LBH: variants seen among roughly 807,000 people sequenced by gnomAD.
LBH encodes LBH regulator of Wnt signaling pathway.
LBH carries 7 observed loss-of-function variants against 12.5 expected under a neutral mutation model. The observed-to-expected ratio is 0.56, with a 90% CI of 0.32 to 1.05. LBH has a LOEUF of 1.05. LBH is among the 50% of genes least tolerant of loss of function. The pLI is 0.04. For synonymous variants in LBH, 51 were observed against 50.1 expected, an observed-to-expected ratio of 1.02 and a Z score of -0.08; for missense variants, 119 against 138.9, an observed-to-expected ratio of 0.86 and a Z score of 0.72.
In LBH at chr2:30,231,617, C is replaced by G. The variant is rs1677585590; in HGVS notation, c.-122C>G. 1.4e-5 allele frequency: 13 copies of G among 952,122 alleles called. No individual in the cohort carries two copies. In the South Asian group the frequency reaches 1.6e-4, roughly 12 times the overall value. The allele number at this position is 952,122 out of a possible 1,614,324, so 59.0% of individuals were successfully genotyped here. ...GGGGCTGTCCTGGGAAGGCGGACGGCGAGCGCCCGGTGTCCGCACTCGGCC... is the reference window on the plus strand; with the variant it reads ...GGGGCTGTCCTGGGAAGGCGGACGGGGAGCGCCCGGTGTCCGCACTCGGCC... On this transcript the variant is annotated 5_prime_UTR_variant, in exon 1 of 3. Transcript: ENST00000395323.
chr2:30,245,429 C>T (rs1226446984), intron 2 of LBH, among the ~76,000 whole-genome samples: 3 of 152,182 alleles, frequency 2.0e-5, no homozygotes, highest in African/African-American at 4.8e-5. Flanking sequence ...ACTAGAAGTT[C>T]GGAAACCATG....
rs1419377504 is a variant in LBH at position 30,238,884 on chromosome 2, TC to T, written c.129+4378del. 2.2e-4 allele frequency among the ~76,000 whole-genome samples: 27 copies of T among 120,796 alleles called. No individual in the cohort carries two copies. The East Asian group carries it at 4.8e-3, about 21-fold the overall frequency. 79.2% of individuals were successfully genotyped at this position (120,796 alleles called of 152,430 possible). A position where few individuals can be genotyped will look rare whatever the true frequency, so the allele number is the denominator to read the frequency against. The stretch of plus-strand genomic sequence containing the variant: ...CCTTCTTTCTCTCACTCCTCCCCAC[TC>T]TTTTTTTTTTTTTTTTTTTTTTGAG... On this transcript the variant is annotated intron_variant, in intron 2 of 2. Transcript: ENST00000395323.
chr2:30,251,795 T>A (rs892018551), intron 2 of LBH, among the ~76,000 whole-genome samples: 13 of 152,116 alleles, frequency 8.5e-5, no homozygotes, highest in Non-Finnish European at 1.5e-5. Context: ...TAAATGGCCC[T>A]GTGTGGTGAG....
At position 30,257,461 on chromosome 2, in the gene LBH, G is replaced by A. The variant is rs757993146; in HGVS notation, c.158G>A (p.Arg53His). Residue 53 changes from arginine to histidine, a missense_variant, in exon 3 of 3, where the codon CGC becomes CAC. Transcript: ENST00000395323. The stretch of plus-strand genomic sequence containing the variant: ...TTCCCAGACCCGTCAGATTTTGACC[G>A]CTGCTGCAAACTGAAGGACCGTCTG... The part of the protein sequence containing the change: ...QIFPDPSDFD[R>H]CCKLKDRLPS... The A allele has an allele frequency of 2.5e-5, 41 of 1,614,106 alleles. No homozygotes were observed. Among genetic ancestry groups the A allele is most frequent in the Non-Finnish European group, 3.1e-5 (37 of 1,179,962 alleles).
Position 30,234,435 on chromosome 2 carries a change from T to C in LBH, c.57T>C (p.Thr19=), listed in dbSNP as rs1007274985. ...CPDYLRSAKM[T]EVMMNTQPME... is the part of the protein sequence containing the mutation. ...ACTATCTGAGATCGGCCAAGATGACTGAGGTGATGATGAACACCCAGCCCA... is the reference window on the plus strand; with the variant it reads ...ACTATCTGAGATCGGCCAAGATGACCGAGGTGATGATGAACACCCAGCCCA... The change falls in exon 2 of 3, where the codon ACT becomes ACC. Residue 19 remains threonine, a synonymous_variant. Transcript: ENST00000395323. 4.4e-5 allele frequency: 71 copies of C among 1,614,034 alleles called. No homozygotes were observed. Among genetic ancestry groups the C allele is most frequent in the Non-Finnish European group, 5.2e-5 (61 of 1,179,990 alleles).
intron 2 of LBH, among the ~76,000 whole-genome samples, chr2:30,235,281 G>T (rs1170911171): frequency 6.6e-6 from 1 of 152,130 alleles, no homozygotes. Context: ...TTGGGGTTTT[G>T]GAGGAGAGTT....
At chr2:30,233,648 C>G (rs904033575) in intron 1 of LBH, among the ~76,000 whole-genome samples, 1 of 152,228 alleles carries the variant, frequency 6.6e-6, no homozygotes, top group African/African-American at 2.4e-5. Context: ...TTAGAGAGTA[C>G]AAGGCACTTT....
Position 30,258,315 on chromosome 2 carries a change from CCT to C in LBH, c.*699_*700del, listed in dbSNP as rs1678122274. 6.6e-6 allele frequency: 1 copy of C among 152,328 alleles called. No individual in the cohort carries two copies. The highest frequency in any genetic ancestry group is 1.5e-5 in the Non-Finnish European group (1 of 68,164). 9.4% of individuals were successfully genotyped at this position (152,328 alleles called of 1,614,324 possible). ...AAGGTCACCCCATTCTACTCCATGG[CCT>C]CTCTGCTCCCAGCTGTGGTAGGCTC... On this transcript the variant is annotated 3_prime_UTR_variant, in exon 3 of 3. Transcript: ENST00000395323.
In LBH at chr2:30,252,206, G is replaced by A. The variant is rs903757203; in HGVS notation, c.130-5227G>A. On this transcript the variant is annotated intron_variant, in intron 2 of 2. Transcript: ENST00000395323. ...CCATTCTCATCATGATAGTAAGTGA[G>A]ATCTCATAAGATCAGATGGTTTTAT... Among the ~76,000 whole-genome samples, 3 of 152,134 alleles carry A rather than the reference G, an allele frequency of 2.0e-5. No individual in the cohort carries two copies. In the East Asian group the frequency reaches 5.8e-4, roughly 29 times the overall value.
chr2:30,257,403 G>A (rs760513695), intron 2 of LBH, 30 bp from the exon 3 acceptor site: 1 of 1,612,316 alleles, frequency 6.2e-7, no homozygotes, highest in Non-Finnish European at 8.5e-7. Context: ...ATATCTACGT[G>A]ACCAGGCACC....
intron 2 of LBH, among the ~76,000 whole-genome samples, chr2:30,240,114 G>A (rs1677764934): frequency 1.3e-5 from 2 of 152,318 alleles, no homozygotes; most frequent in Admixed American, 6.5e-5. Context: ...CTGTGTCTTA[G>A]GCTGCTCTTT....
intron 2 of LBH, among the ~76,000 whole-genome samples, chr2:30,237,148 GCA>G (rs1677702019): frequency 6.6e-6 from 1 of 152,204 alleles, no homozygotes. Context: ...TCTGTTCTTG[GCA>G]TTCCTCCTAA....
intron 2 of LBH, among the ~76,000 whole-genome samples, chr2:30,255,067 C>G (rs1204670841): frequency 6.6e-6 from 1 of 152,274 alleles, no homozygotes; most frequent in Non-Finnish European, 1.5e-5. Flanking sequence ...CTGGCTCTGC[C>G]ATGTGACCCA....
intron 1 of LBH, chr2:30,232,239 GGT>G: frequency 1.3e-6 from 1 of 747,576 alleles, no homozygotes; most frequent in Non-Finnish European, 2.2e-6. Flanking sequence ...GCTCCGGGGG[GGT>G]GGGGGGCGGG....
intron 1 of LBH, chr2:30,233,125 A>G (rs1436719372): frequency 6.6e-6 from 1 of 152,232 alleles, no homozygotes; most frequent in Non-Finnish European, 1.5e-5. Context: ...GCTGCTCAAA[A>G]TTTGCCAAGG....
chr2:30,257,403 G>T, intron 2 of LBH, 30 bp from the exon 3 acceptor site: 2 of 1,612,310 alleles, frequency 1.2e-6, no homozygotes, highest in South Asian at 2.2e-5. Flanking sequence ...ATATCTACGT[G>T]ACCAGGCACC....
intron 1 of LBH, chr2:30,232,136 GC>G: frequency 6.5e-7 from 1 of 1,537,698 alleles, no homozygotes; most frequent in Non-Finnish European, 8.8e-7. Flanking sequence ...CTCTTCCCGG[GC>G]CCCTCCTCTT....
intron 2 of LBH, among the ~76,000 whole-genome samples, chr2:30,249,032 T>TA (rs796119514): frequency 7.9e-5 from 12 of 152,286 alleles, no homozygotes; most frequent in African/African-American, 2.6e-4. Context: ...GGATGTTCTG[T>TA]AACCCCAGTC....
intron 2 of LBH, among the ~76,000 whole-genome samples, chr2:30,243,714 G>A (rs1408341808): frequency 1.3e-5 from 2 of 151,900 alleles, no homozygotes; most frequent in Non-Finnish European, 2.9e-5. Context: ...ATTTTTAGTG[G>A]AGACGGGTTT....
Sources: allele counts gnomAD v4.1 joint callset (sites outside exome capture counted in the v4.1 genomes callset), GRCh38; gene constraint gnomAD v4.1.1; transcripts MANE v1.5; gene names NCBI Gene and HGNC (gene_info 2026-07-23, HGNC 2026-07-21).